The following GPHN variants were observed in gnomAD, a reference collection of about 807,000 sequenced individuals.
The protein encoded by GPHN is gephyrin.
A neutral mutation model predicts 95.5 loss-of-function variants in GPHN; 17 were observed. The observed-to-expected ratio is 0.18, with a 90% CI of 0.12 to 0.27. GPHN has a LOEUF of 0.27. GPHN is among the 10% of genes least tolerant of loss of function. The pLI, the probability that GPHN is intolerant of heterozygous loss-of-function variation, is 1.00. For synonymous variants in GPHN, 320 were observed against 322.5 expected (o/e 0.99, Z 0.08); for missense variants, 660 against 978.1 (o/e 0.67, Z 4.34).
chr14:66,938,317 A>C (rs1359567989), intron 8 of GPHN, among the ~76,000 whole-genome samples: 2 of 152,188 alleles, frequency 1.3e-5, no homozygotes, highest in African/African-American at 4.8e-5. Flanking sequence ...AGGGTCTACT[A>C]AATTGTGTGG....
chr14:66,663,655 G>A lies in GPHN; in HGVS notation c.65-17452G>A, dbSNP rs567401137. 2.6e-5 allele frequency among the ~76,000 whole-genome samples: 4 copies of A among 152,208 alleles called. 1 individual carries two copies. The highest frequency in any genetic ancestry group is 9.6e-5 in the African/African-American group (4 of 41,528). Reference sequence around the variant, plus strand: ...AACAATACTAACCTCAAATGAAAATGGGATAAATGCCCCAATTAAAAGACA... The same window carrying A: ...AACAATACTAACCTCAAATGAAAATAGGATAAATGCCCCAATTAAAAGACA... On this transcript the variant is annotated intron_variant, in intron 1 of 22. Transcript: ENST00000478722.
intron 9 of GPHN, among the ~76,000 whole-genome samples, chr14:66,993,651 G>A (rs528664756): frequency 5.3e-5 from 8 of 152,140 alleles, no homozygotes; most frequent in African/African-American, 9.6e-5. Flanking sequence ...TATTTGAATC[G>A]AATCAGCTAA....
intron 2 of GPHN, among the ~76,000 whole-genome samples, chr14:66,740,334 A>T (rs372002582): frequency 2.4e-4 from 37 of 152,228 alleles, no homozygotes; most frequent in African/African-American, 8.4e-4. Context: ...TCATGAGGGA[A>T]ATATTTACCT....
intron 1 of GPHN, among the ~76,000 whole-genome samples, chr14:66,566,531 G>A (rs2060469537): frequency 6.7e-6 from 1 of 150,316 alleles, no homozygotes; most frequent in Non-Finnish European, 1.5e-5. Flanking sequence ...AGTCTGAGTT[G>A]TATGCTTTCC....
At chr14:67,174,956 C>G (rs537048504) in intron 21 of GPHN, among the ~76,000 whole-genome samples, 1 of 151,994 alleles carries the variant, frequency 6.6e-6, no homozygotes, top group Non-Finnish European at 1.5e-5. Context: ...TGTTTAAGTT[C>G]TTTGTAGATT....
chr14:67,092,738 G>A (rs1047064811), intron 12 of GPHN, among the ~76,000 whole-genome samples: 1 of 152,076 alleles, frequency 6.6e-6, no homozygotes, highest in African/African-American at 2.4e-5. Context: ...AAAATAATAG[G>A]AAGACCTGTA....
intron 5 of GPHN, among the ~76,000 whole-genome samples, chr14:66,889,052 T>G (rs2153539224): frequency 6.6e-6 from 1 of 152,232 alleles, no homozygotes; most frequent in South Asian, 2.1e-4. Context: ...AATATTATAC[T>G]TATAAACATT....
chr14:66,835,286 G>C (rs2061750149), intron 4 of GPHN, among the ~76,000 whole-genome samples: 1 of 148,480 alleles, frequency 6.7e-6, no homozygotes, highest in Admixed American at 6.7e-5. Flanking sequence ...GTTATTTCTT[G>C]CCTTCTGCTA....
At chr14:67,003,903 CTG>C (rs1354928440) in intron 9 of GPHN, among the ~76,000 whole-genome samples, 2 of 151,168 alleles carry the variant, frequency 1.3e-5, no homozygotes, top group African/African-American at 4.9e-5. Flanking sequence ...ATGTGACTGA[CTG>C]TGATTAAAAG....
chr14:66,527,566 C>T (rs996137673), intron 1 of GPHN, among the ~76,000 whole-genome samples: 1 of 151,968 alleles, frequency 6.6e-6, no homozygotes, highest in African/African-American at 2.4e-5. Context: ...GTTAGGGTAT[C>T]GATTTTATAT....
the GPHN span, chr14:67,580,875 G>A: frequency 9.4e-7 from 1 of 1,066,728 alleles, no homozygotes; most frequent in Non-Finnish European, 1.5e-6. Context: ...AGCCCTGGCT[G>A]GACCTTGATC....
At chr14:67,116,368 AAGAG>A (rs947932614) in intron 16 of GPHN, among the ~76,000 whole-genome samples, 1 of 152,034 alleles carries the variant, frequency 6.6e-6, no homozygotes, top group Admixed American at 6.5e-5. Flanking sequence ...GCAAAAAGAA[AAGAG>A]AGAAAAGAAA....
chr14:66,568,738 T>C (rs1219667929), intron 1 of GPHN, among the ~76,000 whole-genome samples: 2 of 152,122 alleles, frequency 1.3e-5, no homozygotes, highest in African/African-American at 4.8e-5. Context: ...ATCCCATGTT[T>C]TCCTACTTTT....
intron 10 of GPHN, among the ~76,000 whole-genome samples, chr14:67,026,945 T>C (rs1165929125): frequency 6.6e-6 from 1 of 152,180 alleles, no homozygotes; most frequent in Non-Finnish European, 1.5e-5. Flanking sequence ...CCCAGCCTTA[T>C]AGCCCACATT....
chr14:66,671,233 T>C (rs2066289654), intron 1 of GPHN, among the ~76,000 whole-genome samples: 1 of 152,202 alleles, frequency 6.6e-6, no homozygotes, highest in Non-Finnish European at 1.5e-5. Context: ...TCTGTTAGGT[T>C]TTCGTGCCTT....
At chr14:66,962,062 A>C (rs1218846617) in intron 8 of GPHN, among the ~76,000 whole-genome samples, 1 of 149,786 alleles carries the variant, frequency 6.7e-6, no homozygotes, top group Non-Finnish European at 1.5e-5. Context: ...TCAACAGAGT[A>C]ATCTATATTC....
At chr14:67,653,458 A>C in the GPHN span, 1 of 1,614,038 alleles carries the variant, frequency 6.2e-7, no homozygotes, top group Non-Finnish European at 8.5e-7. Flanking sequence ...TGAACGGAGA[A>C]TCTTCCGACT....
the GPHN span, among the ~76,000 whole-genome samples, chr14:67,443,456 G>A: frequency 4.2e-3 from 643 of 152,158 alleles, 6 homozygotes; most frequent in African/African-American, 0.014. Flanking sequence ...ATTTCAAGCC[G>A]ATGGCAAGGC....
the GPHN span, among the ~76,000 whole-genome samples, chr14:67,203,467 T>A: frequency 6.6e-6 from 1 of 152,130 alleles, no homozygotes; most frequent in Non-Finnish European, 1.5e-5. Flanking sequence ...TGTATGACAA[T>A]GGGTATCCAA....
Sources: gnomAD v4.1 joint callset for allele counts (sites outside exome capture counted in the v4.1 genomes callset) on GRCh38, gnomAD v4.1.1 for gene constraint, MANE v1.5 for transcripts, NCBI Gene and HGNC (gene_info 2026-07-23, HGNC 2026-07-21) for gene names.